RPA3: variants seen among roughly 807,000 people sequenced by gnomAD.
RPA3 encodes the protein replication protein A3.
A neutral mutation model predicts 13.7 loss-of-function variants in RPA3; 24 were observed. That is an observed-to-expected ratio of 1.75 (90% CI 1.27 to 2.46). The LOEUF (loss-of-function observed/expected upper bound fraction) is 2.46. RPA3 is among the 30% of genes most tolerant of loss of function. The pLI is 0.00. For synonymous variants in RPA3, 59 were observed against 51.2 expected, an observed-to-expected ratio of 1.15 and a Z score of -0.65; for missense variants, 183 against 151.0, an observed-to-expected ratio of 1.21 and a Z score of -1.11.
intron 2 of RPA3, among the ~76,000 whole-genome samples, chr7:7,697,277 A>C (rs191503547): frequency 2.0e-4 from 30 of 152,316 alleles, no homozygotes; most frequent in African/African-American, 7.0e-4. Flanking sequence ...TCTTCTATCT[A>C]ATTATTTTCC....
intron 4 of RPA3, among the ~76,000 whole-genome samples, chr7:7,649,694 G>A (rs10263636): frequency 1.3e-5 from 2 of 151,162 alleles, no homozygotes; most frequent in Admixed American, 1.3e-4. Context: ...TGGTGGGGGG[G>A]CCCACCCTAC....
chr7:7,702,916 G>A (rs893408377), intron 2 of RPA3, among the ~76,000 whole-genome samples: 8 of 152,216 alleles, frequency 5.3e-5, no homozygotes, highest in Admixed American at 2.6e-4. Context: ...CCTAGCTACA[G>A]GGGAAAATCA....
At chr7:7,677,083 T>A (rs1779759344) in intron 4 of RPA3, among the ~76,000 whole-genome samples, 1 of 152,144 alleles carries the variant, frequency 6.6e-6, no homozygotes, top group Non-Finnish European at 1.5e-5. Flanking sequence ...CTTGCACACA[T>A]CTGTTTTGTT....
chr7:7,701,987 G>A (rs1199506966), intron 2 of RPA3, among the ~76,000 whole-genome samples: 1 of 152,136 alleles, frequency 6.6e-6, no homozygotes, highest in East Asian at 1.9e-4. Flanking sequence ...AAATAAGAGT[G>A]GCTCATGATT....
chr7:7,683,285 A>G (rs992884214), intron 4 of RPA3, among the ~76,000 whole-genome samples: 8 of 152,182 alleles, frequency 5.3e-5, no homozygotes, highest in Non-Finnish European at 8.8e-5. Context: ...GCTGGGACCC[A>G]TTCCTAGATT....
chr7:7,639,656 C>T (rs1375435148), intron 5 of RPA3, among the ~76,000 whole-genome samples: 1 of 152,202 alleles, frequency 6.6e-6, no homozygotes, highest in Non-Finnish European at 1.5e-5. Context: ...CAACCACCTA[C>T]CACTCCTACT....
intron 4 of RPA3, among the ~76,000 whole-genome samples, chr7:7,674,650 G>C (rs569490359): frequency 2.9e-4 from 44 of 152,282 alleles, no homozygotes; most frequent in African/African-American, 1.0e-3. Context: ...GGATAAGGTA[G>C]GGTGCAGTGG....
chr7:7,687,883 G>A (rs1202122481), intron 2 of RPA3, among the ~76,000 whole-genome samples: 1 of 152,162 alleles, frequency 6.6e-6, no homozygotes, highest in African/African-American at 2.4e-5. Context: ...TTTATGGAAC[G>A]ACTTATTTTT....
At chr7:7,693,631 G>A (rs566641122) in intron 2 of RPA3, among the ~76,000 whole-genome samples, 13 of 152,092 alleles carry the variant, frequency 8.5e-5, no homozygotes, top group Non-Finnish European at 1.5e-4. Flanking sequence ...TTTAAAAATT[G>A]TTTATTTAAA....
Position 7,712,642 on chromosome 7 carries a change from CA to C in RPA3, c.-1028+2532del, listed in dbSNP as rs1222062704. Among the ~76,000 whole-genome samples, 3 of 152,088 alleles carry C rather than the reference CA, an allele frequency of 2.0e-5. No homozygotes were observed. In the East Asian group the frequency reaches 5.8e-4, roughly 29 times the overall value. ...CCTCTGTGAATAGTGAGTTTTGTTT[CA>C]TTCAAATCCTTGTGGTTTCATTTTA... On this transcript the variant is annotated intron_variant, in intron 2 of 7. Coordinates refer to ENST00000223129, the MANE Select transcript of RPA3 (RefSeq NM_002947.5).
chr7:7,648,698 A>G (rs1025385190), intron 4 of RPA3, among the ~76,000 whole-genome samples: 2 of 151,944 alleles, frequency 1.3e-5, no homozygotes, highest in African/African-American at 4.8e-5. Context: ...AAAAAATACA[A>G]AAATTAGCTG....
chr7:7,716,947 C>T (rs188956094), intron 1 of RPA3, among the ~76,000 whole-genome samples: 91 of 152,292 alleles, frequency 6.0e-4, no homozygotes, highest in African/African-American at 1.9e-3. Flanking sequence ...CAGACACCGC[C>T]TCCTATAAAA....
intron 4 of RPA3, among the ~76,000 whole-genome samples, chr7:7,648,217 G>A: frequency 6.6e-6 from 1 of 152,156 alleles, no homozygotes; most frequent in Non-Finnish European, 1.5e-5. Flanking sequence ...ATGTATGGGG[G>A]ATGGATTCCT....
chr7:7,648,143 C>T (rs1785140118), intron 4 of RPA3, among the ~76,000 whole-genome samples: 1 of 152,188 alleles, frequency 6.6e-6, no homozygotes, highest in African/African-American at 2.4e-5. Flanking sequence ...CAGTGGCCTC[C>T]TTCTTCTTAA....
At chr7:7,667,136 GTATA>G (rs1269728870) in intron 4 of RPA3, among the ~76,000 whole-genome samples, 1 of 152,172 alleles carries the variant, frequency 6.6e-6, no homozygotes, top group Non-Finnish European at 1.5e-5. Context: ...TCCCCCACCT[GTATA>G]GAGGTAGCTC....
At chr7:7,644,674 G>A (rs546473766) in intron 4 of RPA3, among the ~76,000 whole-genome samples, 1 of 152,210 alleles carries the variant, frequency 6.6e-6, no homozygotes, top group East Asian at 1.9e-4. Flanking sequence ...TTACAGATAT[G>A]TGTGGAGTCA....
intron 2 of RPA3, among the ~76,000 whole-genome samples, chr7:7,693,948 C>T (rs1393113175): frequency 1.3e-5 from 2 of 152,214 alleles, no homozygotes; most frequent in East Asian, 1.9e-4. Context: ...CCTCTGAGGA[C>T]TGAGATCTCT....
chr7:7,638,928 G>T (rs906502734), intron 6 of RPA3, 142 bp downstream of exon 6: 38 of 526,664 alleles, frequency 7.2e-5, no homozygotes, highest in African/African-American at 6.6e-4. Context: ...AATAGTACAA[G>T]AATTAAATTT....
intron 2 of RPA3, among the ~76,000 whole-genome samples, chr7:7,703,608 T>C (rs1326164603): frequency 1.3e-5 from 2 of 152,204 alleles, no homozygotes. Flanking sequence ...AACAACAATT[T>C]GTCCTAATCA....
Sources: gnomAD v4.1 joint callset for allele counts (sites outside exome capture counted in the v4.1 genomes callset) on GRCh38, gnomAD v4.1.1 for gene constraint, MANE v1.5 for transcripts, NCBI Gene and HGNC (gene_info 2026-07-23, HGNC 2026-07-21) for gene names.